The following SENP7 variants were observed in gnomAD, a reference collection of about 807,000 sequenced individuals.
SENP7 encodes the protein sentrin-specific protease 7.
Under a neutral mutation model 141.2 loss-of-function variants are expected in SENP7, and 64 were observed. That is an observed-to-expected ratio of 0.45 (90% CI 0.37 to 0.56). The LOEUF (loss-of-function observed/expected upper bound fraction) is 0.56, where lower values mean the gene tolerates loss of function less well. Ranked by LOEUF, SENP7 falls within the 20% of genes least tolerant of loss-of-function variation. The pLI, the probability that SENP7 is intolerant of heterozygous loss-of-function variation, is 0.00. For missense variants in SENP7, 1,025 were observed against 1,212.2 expected (o/e 0.85, Z 2.29); for synonymous variants, 382 against 426.4 (o/e 0.90, Z 1.28).
chr3:101,432,727 G>C (rs1258567347), intron 4 of SENP7, among the ~76,000 whole-genome samples: 4 of 152,230 alleles, frequency 2.6e-5, no homozygotes, highest in African/African-American at 4.8e-5. Flanking sequence ...GCATTACTGA[G>C]TTGGGGTGCA....
chr3:101,412,671 C>T (rs911040263), intron 5 of SENP7, among the ~76,000 whole-genome samples: 3 of 151,998 alleles, frequency 2.0e-5, no homozygotes, highest in Non-Finnish European at 2.9e-5. Flanking sequence ...ATTTCTCTAA[C>T]GATCTCTGGT....
intron 1 of SENP7, among the ~76,000 whole-genome samples, chr3:101,502,564 G>C (rs556403404): frequency 4.3e-4 from 66 of 152,020 alleles, no homozygotes; most frequent in Middle Eastern, 3.4e-3. Context: ...CCAAAGTGTT[G>C]GGATTACAGG....
Position 101,325,728 on chromosome 3 carries a change from C to T in SENP7, c.*215G>A. The stretch of plus-strand genomic sequence containing the variant: ...ATATTTATAAAATTTTAATTTATAT[C>T]TAGTAAGTTTATCTATATCACCCCC... On this transcript the variant is annotated 3_prime_UTR_variant, in exon 24 of 24. Coordinates refer to ENST00000394095, the MANE Select transcript of SENP7 (RefSeq NM_020654.5). 6.3e-6 allele frequency: 2 copies of T among 317,936 alleles called. No individual in the cohort carries two copies. The highest frequency in any genetic ancestry group is 5.6e-6 in the Non-Finnish European group (1 of 177,520). The allele number at this position is 317,936 out of a possible 1,614,324, so 19.7% of individuals were successfully genotyped here. A position where few individuals can be genotyped will look rare whatever the true frequency, so the allele number is the denominator to read the frequency against.
At chr3:101,472,562 G>T (rs1306905615) in intron 3 of SENP7, among the ~76,000 whole-genome samples, 1 of 151,782 alleles carries the variant, frequency 6.6e-6, no homozygotes, top group Non-Finnish European at 1.5e-5. Context: ...ATGATGAGTT[G>T]ATGGGTGCAG....
At chr3:101,490,348 T>C (rs2064915976) in intron 3 of SENP7, among the ~76,000 whole-genome samples, 1 of 152,080 alleles carries the variant, frequency 6.6e-6, no homozygotes, top group African/African-American at 2.4e-5. Flanking sequence ...AGCAATATTA[T>C]ACTGAATAAA....
chr3:101,484,634 T>C (rs2064647505), intron 3 of SENP7, among the ~76,000 whole-genome samples: 1 of 152,138 alleles, frequency 6.6e-6, no homozygotes, highest in Non-Finnish European at 1.5e-5. Flanking sequence ...GAAGGTCTGT[T>C]TGCGGGAGAA....
chr3:101,364,684 C>A, intron 10 of SENP7, 150 bp downstream of exon 10: 1 of 501,064 alleles, frequency 2.0e-6, no homozygotes. Flanking sequence ...CTACGTATTT[C>A]ACTCAAACTA....
intron 17 of SENP7, among the ~76,000 whole-genome samples, chr3:101,334,703 T>C (rs922604148): frequency 1.3e-5 from 2 of 152,232 alleles, no homozygotes; most frequent in Non-Finnish European, 2.9e-5. Context: ...AACTAGTGTA[T>C]AGTCTGTTAA....
At chr3:101,438,431 G>A (rs1245773384) in intron 4 of SENP7, among the ~76,000 whole-genome samples, 2 of 152,062 alleles carry the variant, frequency 1.3e-5, no homozygotes, top group African/African-American at 2.4e-5. Context: ...AGGGAGAAAT[G>A]GGAATTTATT....
intron 12 of SENP7, among the ~76,000 whole-genome samples, chr3:101,349,469 T>C (rs556169797): frequency 1.0e-3 from 153 of 152,306 alleles, no homozygotes; most frequent in Non-Finnish European, 1.6e-3. Flanking sequence ...GTTCTCATTG[T>C]TCAATTCCCA....
In SENP7 at chr3:101,384,196, C is replaced by T. The variant is rs143527629; in HGVS notation, c.678-12070G>A. Among the ~76,000 whole-genome samples, 27 of 152,366 alleles carry T rather than the reference C, an allele frequency of 1.8e-4. No homozygotes were observed. In the East Asian group the frequency reaches 5.0e-3, roughly 28 times the overall value. On this transcript the variant is annotated intron_variant, in intron 6 of 23. Transcript: ENST00000394095. ...AGCTGTACTGTCACTCAATAAAACA[C>T]CACTTTACCTTACTCACCCTCCAGT...
At chr3:101,416,316 C>G (rs2061620276) in intron 5 of SENP7, among the ~76,000 whole-genome samples, 1 of 152,124 alleles carries the variant, frequency 6.6e-6, no homozygotes. Context: ...AGTGGTAAAA[C>G]TATTATTCTG....
intron 6 of SENP7, among the ~76,000 whole-genome samples, chr3:101,379,088 T>C (rs1488321872): frequency 1.3e-5 from 2 of 152,028 alleles, no homozygotes; most frequent in South Asian, 2.1e-4. Context: ...CTCAAATACA[T>C]GGTCAAATGA....
At chr3:101,381,281 C>T (rs1484170331) in intron 6 of SENP7, among the ~76,000 whole-genome samples, 2 of 152,142 alleles carry the variant, frequency 1.3e-5, no homozygotes, top group Non-Finnish European at 2.9e-5. Context: ...ACCTCTGCCA[C>T]TTAATCTCTT....
At position 101,480,338 on chromosome 3, in the gene SENP7, A is replaced by G. The variant is rs192518138; in HGVS notation, c.186+13535T>C. 2.6e-5 allele frequency among the ~76,000 whole-genome samples: 4 copies of G among 152,280 alleles called. No individual in the cohort carries two copies. In the East Asian group the frequency reaches 7.7e-4, roughly 29 times the overall value. On this transcript the variant is annotated intron_variant, in intron 3 of 23. Transcript: ENST00000394095. ...TAAAAACAGACCCACAGAGCAATGG[A>G]ACAGAATAAAGAACTCATAAATAAA... is the stretch of plus-strand genomic sequence containing the variant.
At chr3:101,414,518 T>G (rs2061551329) in intron 5 of SENP7, 2 of 1,573,674 alleles carry the variant, frequency 1.3e-6, no homozygotes, top group South Asian at 2.2e-5. Flanking sequence ...AGTAAGGAGC[T>G]TCAGGTGAAG....
chr3:101,404,660 T>C (rs2061246416), intron 5 of SENP7, among the ~76,000 whole-genome samples: 1 of 152,168 alleles, frequency 6.6e-6, no homozygotes, highest in Non-Finnish European at 1.5e-5. Flanking sequence ...GAGAAAGTTT[T>C]TGCAATCTAT....
chr3:101,419,436 G>A (rs2061721343), intron 4 of SENP7, among the ~76,000 whole-genome samples: 1 of 152,146 alleles, frequency 6.6e-6, no homozygotes, highest in Admixed American at 6.5e-5. Flanking sequence ...GAAGTGCTAG[G>A]AATAATGAGG....
chr3:101,397,732 AG>A (rs1349397745), intron 6 of SENP7, among the ~76,000 whole-genome samples: 4 of 152,238 alleles, frequency 2.6e-5, no homozygotes, highest in African/African-American at 4.8e-5. Flanking sequence ...GGCTTACAAT[AG>A]AAATACAAAC....
Sources: gnomAD v4.1 joint callset for allele counts (sites outside exome capture counted in the v4.1 genomes callset) on GRCh38, gnomAD v4.1.1 for gene constraint, MANE v1.5 for transcripts, NCBI Gene and HGNC (gene_info 2026-07-23, HGNC 2026-07-21) for gene names.